PPP1R16B: variants seen among roughly 807,000 people sequenced by gnomAD.
PPP1R16B encodes the protein protein phosphatase 1 regulatory subunit 16B.
Under a neutral mutation model 61.7 loss-of-function variants are expected in PPP1R16B, and 14 were observed. The ratio of observed to expected loss-of-function variants is 0.23; its 90% CI spans 0.15 to 0.35. The LOEUF (loss-of-function observed/expected upper bound fraction) is 0.35. PPP1R16B is among the 10% of genes least tolerant of loss of function. The pLI is 1.00. For missense variants in PPP1R16B, 547 were observed against 752.5 expected (o/e 0.73, Z 3.19); for synonymous variants, 266 against 305.3 (o/e 0.87, Z 1.34).
At chr20:38,854,301 A>T (rs548281005) in intron 2 of PPP1R16B, among the ~76,000 whole-genome samples, 50 of 152,368 alleles carry the variant, frequency 3.3e-4, no homozygotes, top group Non-Finnish European at 3.8e-4. Flanking sequence ...GCAATGGCGC[A>T]TATGCTGATT....
chr20:38,817,969 G>A (rs1198971862), intron 1 of PPP1R16B, among the ~76,000 whole-genome samples: 3 of 152,232 alleles, frequency 2.0e-5, no homozygotes, highest in Non-Finnish European at 2.9e-5. Context: ...GCGTGAACCC[G>A]GGAGGCGGAG....
chr20:38,846,529 G>A (rs1396224222), intron 2 of PPP1R16B, among the ~76,000 whole-genome samples: 3 of 152,064 alleles, frequency 2.0e-5, no homozygotes, highest in African/African-American at 7.2e-5. Context: ...GCTGTTGAGG[G>A]GTTGAATATT....
At chr20:38,881,452 C>T (rs974243055) in intron 2 of PPP1R16B, among the ~76,000 whole-genome samples, 6 of 152,210 alleles carry the variant, frequency 3.9e-5, no homozygotes, top group Admixed American at 6.5e-5. Flanking sequence ...CTGACAGCAC[C>T]TTGAAGAGGG....
chr20:38,808,534 C>A (rs1007927335), intron 1 of PPP1R16B, among the ~76,000 whole-genome samples: 2 of 152,184 alleles, frequency 1.3e-5, no homozygotes, highest in African/African-American at 4.8e-5. Flanking sequence ...ACAAGCCTGC[C>A]TCTTACAGAA....
At chr20:38,888,594 C>T (rs570806094) in intron 2 of PPP1R16B, among the ~76,000 whole-genome samples, 44 of 152,212 alleles carry the variant, frequency 2.9e-4, no homozygotes, top group South Asian at 2.5e-3. Flanking sequence ...TCCTCATCCA[C>T]GGGGAGAGGC....
chr20:38,834,781 A>T (rs1257914024), intron 1 of PPP1R16B, among the ~76,000 whole-genome samples: 1 of 152,140 alleles, frequency 6.6e-6, no homozygotes, highest in Non-Finnish European at 1.5e-5. Flanking sequence ...TTATAACAAT[A>T]TAATAATCTA....
intron 3 of PPP1R16B, among the ~76,000 whole-genome samples, chr20:38,895,152 C>G (rs574329266): frequency 6.6e-6 from 1 of 152,336 alleles, no homozygotes; most frequent in Non-Finnish European, 1.5e-5. Context: ...TCAACCCAAC[C>G]AATCCTGTTT....
At chr20:38,902,821 A>C in intron 6 of PPP1R16B, 29 bp downstream of exon 6, 1 of 1,613,770 alleles carries the variant, frequency 6.2e-7, no homozygotes, top group Non-Finnish European at 8.5e-7. Context: ...ACCAAAACCA[A>C]GACCAGCTAG....
intron 2 of PPP1R16B, among the ~76,000 whole-genome samples, chr20:38,850,003 T>G (rs748862285): frequency 6.6e-6 from 1 of 152,170 alleles, no homozygotes; most frequent in Admixed American, 6.5e-5. Context: ...AACAAAACAG[T>G]GTTCACGTAG....
At chr20:38,905,245 A>G (rs2085430617) in intron 6 of PPP1R16B, among the ~76,000 whole-genome samples, 1 of 152,176 alleles carries the variant, frequency 6.6e-6, no homozygotes, top group Non-Finnish European at 1.5e-5. Context: ...TGATATTGCA[A>G]CCAAGATGTT....
chr20:38,886,151 C>T (rs774186587), intron 2 of PPP1R16B, among the ~76,000 whole-genome samples: 13 of 152,120 alleles, frequency 8.5e-5, no homozygotes, highest in Admixed American at 6.5e-5. Flanking sequence ...CACTGGGCGC[C>T]GAGGACTTTG....
At chr20:38,845,992 C>T (rs1316510413) in intron 2 of PPP1R16B, among the ~76,000 whole-genome samples, 1 of 152,134 alleles carries the variant, frequency 6.6e-6, no homozygotes, top group Non-Finnish European at 1.5e-5. Context: ...GCCCACAGGG[C>T]TTCTGTGTCA....
At chr20:38,830,781 G>A (rs2084831839) in intron 1 of PPP1R16B, among the ~76,000 whole-genome samples, 1 of 152,180 alleles carries the variant, frequency 6.6e-6, no homozygotes, top group African/African-American at 2.4e-5. Context: ...GCTTGTTCCT[G>A]TACTTTTGAA....
At chr20:38,903,555 ATCCATCCATCCGTCCG>A (rs1473662897) in intron 6 of PPP1R16B, among the ~76,000 whole-genome samples, 1 of 119,038 alleles carries the variant, frequency 8.4e-6, no homozygotes, top group Non-Finnish European at 1.7e-5. Flanking sequence ...CCATCCATCC[ATCCATCCATCCGTCCG>A]TCCGTCCGTC....
intron 2 of PPP1R16B, among the ~76,000 whole-genome samples, chr20:38,882,142 A>G (rs2085207647): frequency 6.6e-6 from 1 of 152,210 alleles, no homozygotes; most frequent in African/African-American, 2.4e-5. Context: ...AATGCCTGGC[A>G]CACAGTTAGT....
chr20:38,881,493 A>C lies in PPP1R16B; in HGVS notation c.251-8102A>C, dbSNP rs200230197. 1.1e-4 allele frequency among the ~76,000 whole-genome samples: 16 copies of C among 152,302 alleles called. No individual in the cohort carries two copies. The East Asian group carries it at 3.1e-3, about 29-fold the overall frequency. On this transcript the variant is annotated intron_variant, in intron 2 of 10. Transcript: ENST00000299824. ...TAAGTCAGTGCGGACTGGGCTGTTCATGCAGGAGGTGCAACCCAGTGGGCG... is the reference window on the plus strand; with the variant it reads ...TAAGTCAGTGCGGACTGGGCTGTTCCTGCAGGAGGTGCAACCCAGTGGGCG...
At chr20:38,895,859 C>T in intron 4 of PPP1R16B, 149 bp downstream of exon 4, 1 of 680,774 alleles carries the variant, frequency 1.5e-6, no homozygotes, top group South Asian at 2.2e-5. Context: ...TTCCTTCTTT[C>T]TTCCCTCCCT....
intron 2 of PPP1R16B, among the ~76,000 whole-genome samples, chr20:38,883,741 C>T (rs1034398704): frequency 1.6e-4 from 25 of 152,320 alleles, no homozygotes; most frequent in African/African-American, 5.1e-4. Flanking sequence ...GGTTGTATTC[C>T]CAGCATCCAG....
chr20:38,842,895 A>G (rs1455319002), intron 2 of PPP1R16B, among the ~76,000 whole-genome samples: 1 of 152,190 alleles, frequency 6.6e-6, no homozygotes, highest in African/African-American at 2.4e-5. Context: ...AGAAGCATTA[A>G]GAAGAAGATA....
Sources: allele counts gnomAD v4.1 joint callset (sites outside exome capture counted in the v4.1 genomes callset), GRCh38; gene constraint gnomAD v4.1.1; transcripts MANE v1.5; gene names NCBI Gene and HGNC (gene_info 2026-07-23, HGNC 2026-07-21).